The following THSD4 variants were observed in gnomAD, a reference collection of about 807,000 sequenced individuals.
THSD4 encodes the protein thrombospondin type-1 domain-containing protein 4.
A neutral mutation model predicts 119.0 loss-of-function variants in THSD4; 69 were observed. The ratio of observed to expected loss-of-function variants is 0.58; its 90% CI spans 0.48 to 0.71. The LOEUF is 0.71. THSD4 is among the 30% of genes least tolerant of loss of function. The pLI is 0.00. For synonymous variants in THSD4, 524 were observed against 540.4 expected, an observed-to-expected ratio of 0.97 and a Z score of 0.42; for missense variants, 1,393 against 1,391.1, an observed-to-expected ratio of 1.00 and a Z score of -0.02.
chr15:71,258,382 A>T (rs145140080), intron 6 of THSD4, among the ~76,000 whole-genome samples: 2 of 152,012 alleles, frequency 1.3e-5, no homozygotes, highest in African/African-American at 4.8e-5. Flanking sequence ...TTTTGCCATG[A>T]TGGCCAGGCT....
chr15:71,727,697 G>A (rs2052887441), intron 8 of THSD4, among the ~76,000 whole-genome samples: 2 of 146,524 alleles, frequency 1.4e-5, no homozygotes, highest in African/African-American at 5.1e-5. Context: ...TTGAGCCCAG[G>A]AGGTTGAGGC....
At chr15:71,594,620 T>C (rs1176144049) in intron 7 of THSD4, among the ~76,000 whole-genome samples, 1 of 152,160 alleles carries the variant, frequency 6.6e-6, no homozygotes, top group Non-Finnish European at 1.5e-5. Context: ...GCCTCTTCCC[T>C]GGGGTCTCAG....
intron 7 of THSD4, among the ~76,000 whole-genome samples, chr15:71,655,406 C>T (rs1334780488): frequency 6.6e-6 from 1 of 152,054 alleles, no homozygotes; most frequent in Non-Finnish European, 1.5e-5. Flanking sequence ...ATATTTCTGA[C>T]TAAGAAGTAG....
At chr15:71,466,431 C>G (rs2047501487) in intron 7 of THSD4, among the ~76,000 whole-genome samples, 1 of 152,104 alleles carries the variant, frequency 6.6e-6, no homozygotes, top group Non-Finnish European at 1.5e-5. Flanking sequence ...AGACCACCCA[C>G]CTGAGCCCCA....
At chr15:71,658,542 CT>C (rs1465460479) in intron 7 of THSD4, among the ~76,000 whole-genome samples, 1 of 152,186 alleles carries the variant, frequency 6.6e-6, no homozygotes, top group Non-Finnish European at 1.5e-5. Flanking sequence ...CAGTTGGAAT[CT>C]TGCCTTGATA....
At chr15:71,488,610 T>C (rs1277665156) in intron 7 of THSD4, among the ~76,000 whole-genome samples, 1 of 152,192 alleles carries the variant, frequency 6.6e-6, no homozygotes, top group Non-Finnish European at 1.5e-5. Context: ...AGATTTTCTC[T>C]TTCTTCTGGA....
At chr15:71,549,915 G>A (rs71395020) in intron 7 of THSD4, 21,030 of 152,572 alleles carry the variant, frequency 0.14, 1,465 homozygotes, top group Middle Eastern at 0.2. Flanking sequence ...CTTGTTTGGC[G>A]TCCTGTGGCT....
intron 7 of THSD4, among the ~76,000 whole-genome samples, chr15:71,470,320 A>C (rs2047557498): frequency 6.6e-6 from 1 of 152,192 alleles, no homozygotes; most frequent in Admixed American, 6.5e-5. Flanking sequence ...GGAACCAATA[A>C]AATTGAGAAT....
intron 7 of THSD4, among the ~76,000 whole-genome samples, chr15:71,637,838 G>T (rs2050777513): frequency 6.6e-6 from 1 of 151,776 alleles, no homozygotes; most frequent in African/African-American, 2.4e-5. Context: ...CAATTCTCCT[G>T]CCTCAGCCTC....
intron 8 of THSD4, among the ~76,000 whole-genome samples, chr15:71,687,755 C>CAAAAA (rs371746249): frequency 6.5e-4 from 36 of 55,032 alleles, no homozygotes; most frequent in East Asian, 1.6e-3. Context: ...AACTCTGTCT[C>CAAAAA]AAAAAAAAAA....
intron 14 of THSD4, among the ~76,000 whole-genome samples, chr15:71,753,279 CA>C (rs2053482868): frequency 6.6e-6 from 1 of 152,054 alleles, no homozygotes; most frequent in South Asian, 2.1e-4. Flanking sequence ...TTCAGTTCTA[CA>C]AATCAATGAT....
At chr15:71,535,308 A>G (rs2048674376) in intron 7 of THSD4, among the ~76,000 whole-genome samples, 1 of 152,218 alleles carries the variant, frequency 6.6e-6, no homozygotes, top group Admixed American at 6.5e-5. Context: ...ATGTATCGAT[A>G]CTTCGTTGCT....
intron 6 of THSD4, among the ~76,000 whole-genome samples, chr15:71,402,763 G>C (rs2046554185): frequency 1.3e-5 from 2 of 152,184 alleles, no homozygotes; most frequent in South Asian, 4.1e-4. Flanking sequence ...TAACTGCTGG[G>C]GGGTGTGACT....
chr15:71,757,956 A>C lies in THSD4; in HGVS notation c.2470A>C (p.Asn824His). 6.2e-7 allele frequency: 1 copy of C among 1,613,924 alleles called. No homozygotes were observed. The highest frequency in any genetic ancestry group is 2.2e-5 in the East Asian group (1 of 44,870). Reference protein sequence around the residue: ...VRTRSVVCMTNHVSSLPLEGC... With the variant: ...VRTRSVVCMTHHVSSLPLEGC... ...GACACGCTCGGTGGTGTGCATGACCAACCATGTCAGCAGCCTGCCCCTGGA... is the reference window on the plus strand; with the variant it reads ...GACACGCTCGGTGGTGTGCATGACCCACCATGTCAGCAGCCTGCCCCTGGA... The change falls in exon 15 of 18, where the codon AAC becomes CAC. Residue 824 changes from asparagine to histidine, a missense_variant. Physicochemically the swap from Asn to His is moderately conservative, Grantham distance 68. Transcript: ENST00000261862.
chr15:71,149,211 G>A lies in THSD4; in HGVS notation c.30-5652G>A, dbSNP rs573595441. On this transcript the variant is annotated intron_variant, in intron 2 of 17. Transcript: ENST00000261862. The stretch of plus-strand genomic sequence containing the variant: ...TTAACTGTTGTCAGAAGAAGGCAGA[G>A]GGCTGAGCTGAGCATAGTGAAATGC... Among the ~76,000 whole-genome samples, 8 of 151,954 alleles carry A rather than the reference G, an allele frequency of 5.3e-5. No individual in the cohort carries two copies. The South Asian group carries it at 1.7e-3, about 32-fold the overall frequency.
At chr15:71,165,244 T>G in intron 3 of THSD4, 1 of 1,562,084 alleles carries the variant, frequency 6.4e-7, no homozygotes, top group East Asian at 2.2e-5. Flanking sequence ...CTTGAAATTT[T>G]CCTTTGTCTT....
chr15:71,147,421 G>A (rs2040673828), intron 2 of THSD4, among the ~76,000 whole-genome samples: 1 of 152,038 alleles, frequency 6.6e-6, no homozygotes. Flanking sequence ...TCTTGCCCAG[G>A]CTGATCTTAA....
At chr15:71,275,697 G>A (rs1399538888) in intron 6 of THSD4, among the ~76,000 whole-genome samples, 1 of 152,172 alleles carries the variant, frequency 6.6e-6, no homozygotes, top group East Asian at 1.9e-4. Flanking sequence ...TGTTATGGGA[G>A]GGTCCAGGTG....
At chr15:71,642,223 A>G (rs1283170767) in intron 7 of THSD4, among the ~76,000 whole-genome samples, 1 of 152,236 alleles carries the variant, frequency 6.6e-6, no homozygotes, top group African/African-American at 2.4e-5. Flanking sequence ...CCAGGAGATC[A>G]TCTGAAGGTG....
Sources: gnomAD v4.1 joint callset for allele counts (sites outside exome capture counted in the v4.1 genomes callset) on GRCh38, gnomAD v4.1.1 for gene constraint, MANE v1.5 for transcripts, NCBI Gene and HGNC (gene_info 2026-07-23, HGNC 2026-07-21) for gene names.